Variants in GABRA3 observed in about 807,000 individuals in gnomAD.
GABRA3 encodes gamma-aminobutyric acid receptor subunit alpha-3.
In GABRA3, 10 loss-of-function variants were observed where a neutral mutation model predicts 30.1. The observed-to-expected ratio is 0.33, with a 90% CI of 0.20 to 0.56. GABRA3 has a LOEUF of 0.56. Ranked by LOEUF, GABRA3 falls within the 20% of genes least tolerant of loss-of-function variation. The pLI is 0.89. For missense variants in GABRA3, 233 were observed against 392.0 expected (o/e 0.59, Z 3.42); for synonymous variants, 151 against 146.8 (o/e 1.03, Z -0.21).
At chrX:152,200,556 T>C (rs1937470012) in intron 7 of GABRA3, among the ~76,000 whole-genome samples, 1 of 110,998 alleles carries the variant, frequency 9.0e-6, no homozygotes, top group African/African-American at 3.3e-5. Flanking sequence ...TCTCTACTTC[T>C]TTCCGTCCTT....
chrX:152,374,337 C>CTTTTTTT (rs55927249), intron 1 of GABRA3, among the ~76,000 whole-genome samples: 2 of 41,670 alleles, frequency 4.8e-5, no homozygotes, highest in African/African-American at 9.7e-5. Context: ...CTTTTCTTTT[C>CTTTTTTT]TTTTTTTTTT....
intron 3 of GABRA3, among the ~76,000 whole-genome samples, chrX:152,296,734 C>T (rs1939535766): frequency 9.3e-6 from 1 of 107,203 alleles, no homozygotes; most frequent in African/African-American, 3.4e-5. Flanking sequence ...GAGTCTCACA[C>T]AGTTGCCCAG....
intron 4 of GABRA3, among the ~76,000 whole-genome samples, chrX:152,269,795 G>A (rs1412859314): frequency 1.8e-5 from 2 of 111,961 alleles, no homozygotes; most frequent in Non-Finnish European, 3.8e-5. Flanking sequence ...CCCATATGTG[G>A]AAGAAATAAA....
At chrX:152,365,031 T>G (rs140125864) in intron 1 of GABRA3, among the ~76,000 whole-genome samples, 1 of 111,824 alleles carries the variant, frequency 8.9e-6, no homozygotes, top group East Asian at 2.8e-4. Context: ...TCCAATTCCC[T>G]GTTTGATCTT....
chrX:152,411,751 T>C (rs771406616), intron 1 of GABRA3, among the ~76,000 whole-genome samples: 4 of 111,893 alleles, frequency 3.6e-5, no homozygotes, highest in East Asian at 2.8e-4. Context: ...AAAACTTCTA[T>C]GCATCAAATG....
intron 1 of GABRA3, among the ~76,000 whole-genome samples, chrX:152,379,424 G>T (rs1031510109): frequency 1.8e-5 from 2 of 110,506 alleles, no homozygotes; most frequent in Non-Finnish European, 3.8e-5. Flanking sequence ...TAACAAAATT[G>T]CTATCAAAAT....
intron 3 of GABRA3, among the ~76,000 whole-genome samples, chrX:152,297,541 T>G (rs933486602): frequency 3.6e-5 from 4 of 112,420 alleles, no homozygotes; most frequent in African/African-American, 9.7e-5. Context: ...TGGTTACTTA[T>G]ACTGATACTT....
intron 6 of GABRA3, among the ~76,000 whole-genome samples, chrX:152,219,276 T>C (rs1045407799): frequency 3.6e-5 from 4 of 110,801 alleles, no homozygotes; most frequent in South Asian, 3.8e-4. Flanking sequence ...AGATCTCTTT[T>C]ATGAACACCG....
At chrX:152,387,491 A>G (rs1929356735) in intron 1 of GABRA3, among the ~76,000 whole-genome samples, 1 of 111,643 alleles carries the variant, frequency 9.0e-6, no homozygotes, top group South Asian at 3.7e-4. Flanking sequence ...GAGTACCCAC[A>G]ATGTTATAGC....
intron 1 of GABRA3, among the ~76,000 whole-genome samples, chrX:152,388,631 A>G (rs768843370): frequency 8.9e-6 from 1 of 112,621 alleles, no homozygotes; most frequent in African/African-American, 3.2e-5. Context: ...TGTTTTCACC[A>G]ATAATATGAA....
At chrX:152,444,858 G>A (rs1931038258) in intron 1 of GABRA3, among the ~76,000 whole-genome samples, 1 of 92,067 alleles carries the variant, frequency 1.1e-5, no homozygotes, top group African/African-American at 3.9e-5. Flanking sequence ...TCAGGAGATC[G>A]AGACCATCCC....
Position 152,195,323 on chromosome X carries a change from T to C in GABRA3, c.931+2310A>G, listed in dbSNP as rs1175659834. ...TGTCTCTCTGCACTAGTAAGTGTATTTTTCTAGTACTCCCTTGCATTGAAA... is the reference window on the plus strand; with the variant it reads ...TGTCTCTCTGCACTAGTAAGTGTATCTTTCTAGTACTCCCTTGCATTGAAA... On this transcript the variant is annotated intron_variant, in intron 8 of 9. Transcript: ENST00000370314. 2.7e-5 allele frequency among the ~76,000 whole-genome samples: 3 copies of C among 112,191 alleles called. No individual in the cohort carries two copies. In the East Asian group the frequency reaches 8.4e-4, roughly 31 times the overall value.
At chrX:152,418,046 GA>G (rs765902153) in intron 1 of GABRA3, among the ~76,000 whole-genome samples, 4 of 108,547 alleles carry the variant, frequency 3.7e-5, no homozygotes, top group African/African-American at 1.0e-4. Context: ...AGAAAAAAAA[GA>G]AAAAAAATGA....
intron 1 of GABRA3, among the ~76,000 whole-genome samples, chrX:152,370,926 C>T (rs1263534509): frequency 1.8e-5 from 2 of 110,983 alleles, no homozygotes; most frequent in Non-Finnish European, 3.8e-5. Flanking sequence ...ATCATCTTCA[C>T]GTTCTCATTT....
At chrX:152,361,971 G>A (rs950261804) in intron 2 of GABRA3, among the ~76,000 whole-genome samples, 1 of 111,763 alleles carries the variant, frequency 8.9e-6, no homozygotes, top group Non-Finnish European at 1.9e-5. Context: ...ATCTTATTTA[G>A]AATCTATCAT....
intron 5 of GABRA3, among the ~76,000 whole-genome samples, chrX:152,250,096 T>C (rs1413451288): frequency 9.0e-6 from 1 of 111,475 alleles, no homozygotes; most frequent in African/African-American, 3.3e-5. Context: ...TGTTTGACAG[T>C]CACCTACACT....
intron 4 of GABRA3, among the ~76,000 whole-genome samples, chrX:152,277,969 G>A (rs768862879): frequency 7.0e-4 from 78 of 111,550 alleles, no homozygotes; most frequent in African/African-American, 2.3e-3. Flanking sequence ...TACAATGAAG[G>A]CCTTGCCATT....
At chrX:152,360,425 G>A (rs910921067) in intron 2 of GABRA3, among the ~76,000 whole-genome samples, 3 of 101,847 alleles carry the variant, frequency 2.9e-5, no homozygotes, top group African/African-American at 1.1e-4. Context: ...CAGTGATGAT[G>A]AGCATTTCTT....
chrX:152,408,807 T>C (rs1179653516), intron 1 of GABRA3, among the ~76,000 whole-genome samples: 1 of 109,178 alleles, frequency 9.2e-6, no homozygotes, highest in African/African-American at 3.3e-5. Flanking sequence ...TCGTATTACC[T>C]GACTTTAAAT....
Sources: gnomAD v4.1 joint callset for allele counts (sites outside exome capture counted in the v4.1 genomes callset) on GRCh38, gnomAD v4.1.1 for gene constraint, MANE v1.5 for transcripts, NCBI Gene and HGNC (gene_info 2026-07-23, HGNC 2026-07-21) for gene names.